Variants in TLN2 observed in about 807,000 individuals in gnomAD.
TLN2 encodes the protein talin 2.
A neutral mutation model predicts 294.7 loss-of-function variants in TLN2; 118 were observed. That is an observed-to-expected ratio of 0.40 (90% confidence interval 0.34 to 0.47). TLN2 has a LOEUF of 0.47. Ranked by LOEUF, TLN2 falls within the 20% of genes least tolerant of loss-of-function variation. The pLI is 0.84. For missense variants in TLN2, 3,083 were observed against 3,282.2 expected (o/e 0.94, Z 1.48); for synonymous variants, 1,431 against 1,304.5 (o/e 1.10, Z -2.09).
At chr15:62,715,086 T>C (rs575035628) in intron 22 of TLN2, among the ~76,000 whole-genome samples, 60 of 152,360 alleles carry the variant, frequency 3.9e-4, no homozygotes, top group African/African-American at 1.3e-3. Context: ...AATGTTTCAT[T>C]GCTAGATTAT....
At chr15:62,634,706 TA>T (rs2050218954) in intron 3 of TLN2, among the ~76,000 whole-genome samples, 1 of 152,262 alleles carries the variant, frequency 6.6e-6, no homozygotes, top group Admixed American at 6.5e-5. Flanking sequence ...AGGAAAATGA[TA>T]CTTCATCAGC....
rs186618024 is a variant in TLN2 at position 62,763,708 on chromosome 15, T to C, written c.5094+13T>C. 59 of 1,594,646 alleles carry C rather than the reference T, an allele frequency of 3.7e-5. No homozygotes were observed. In the East Asian group the frequency reaches 1.3e-3, roughly 35 times the overall value. The stretch of plus-strand genomic sequence containing the variant: ...CATCTCTGTGGAGGTAAGCTGGGAA[T>C]CTGGGGGCCTGCTTAGTCGCCTCTA... On this transcript the variant is annotated intron_variant, in intron 40 of 58. Transcript: ENST00000636159.
At chr15:62,686,357 T>G (rs2057286855) in intron 11 of TLN2, among the ~76,000 whole-genome samples, 3 of 152,206 alleles carry the variant, frequency 2.0e-5, no homozygotes, top group African/African-American at 7.2e-5. Context: ...GTCTTTTCAG[T>G]TCTATCCCAT....
chr15:62,641,917 C>T (rs1220385556), intron 3 of TLN2, among the ~76,000 whole-genome samples: 1 of 152,216 alleles, frequency 6.6e-6, no homozygotes, highest in African/African-American at 2.4e-5. Context: ...GAGGCCTCTG[C>T]TGGAGCTGAA....
chr15:62,805,862 G>A, intron 51 of TLN2, 77 bp downstream of exon 51: 4 of 1,496,114 alleles, frequency 2.7e-6, no homozygotes, highest in Non-Finnish European at 3.6e-6. Flanking sequence ...GTCTGAAAAA[G>A]GGGAGGGGCT....
chr15:62,710,485 GTTGT>G (rs376842725), intron 21 of TLN2, among the ~76,000 whole-genome samples: 195 of 152,196 alleles, frequency 1.3e-3, no homozygotes, highest in African/African-American at 3.4e-3. Context: ...TGAATTTGTT[GTTGT>G]TTGTTTGTTT....
intron 6 of TLN2, among the ~76,000 whole-genome samples, 184 bp downstream of exon 6, chr15:62,652,318 C>T (rs1350957155): frequency 2.0e-5 from 3 of 152,174 alleles, no homozygotes; most frequent in African/African-American, 7.2e-5. Context: ...ATTTGGACTT[C>T]TCACTAAGTC....
At chr15:62,657,225 C>T (rs1304751063) in intron 8 of TLN2, among the ~76,000 whole-genome samples, 1 of 151,988 alleles carries the variant, frequency 6.6e-6, no homozygotes, top group Non-Finnish European at 1.5e-5. Flanking sequence ...AACAAGCTCC[C>T]CATTTTAGGA....
At chr15:62,835,561 T>C (rs2069426435) in intron 55 of TLN2, 176 bp from the exon 56 acceptor site, 3 of 667,438 alleles carry the variant, frequency 4.5e-6, no homozygotes, top group South Asian at 1.8e-5. Context: ...GTGCAATCTT[T>C]CTTGGCATGG....
At chr15:62,547,009 G>A (rs2042031144) in intron 1 of TLN2, among the ~76,000 whole-genome samples, 1 of 152,172 alleles carries the variant, frequency 6.6e-6, no homozygotes, top group Non-Finnish European at 1.5e-5. Context: ...CGTTAATCAG[G>A]GAGGAAAGGG....
intron 19 of TLN2, among the ~76,000 whole-genome samples, chr15:62,705,578 A>G (rs1019366777): frequency 2.0e-5 from 3 of 152,230 alleles, no homozygotes; most frequent in South Asian, 2.1e-4. Context: ...TCATGATTCT[A>G]TGTGACCAAA....
chr15:62,533,229 C>T (rs1017948011), intron 1 of TLN2, among the ~76,000 whole-genome samples: 3 of 122,744 alleles, frequency 2.4e-5, no homozygotes, highest in African/African-American at 6.3e-5. Flanking sequence ...ACTCCAGCCT[C>T]GGTGACAGAG....
In TLN2 at chr15:62,726,825, G is replaced by A. The variant is rs200391762; in HGVS notation, c.3256-262G>A. On this transcript the variant is annotated intron_variant, in intron 27 of 58. Coordinates refer to ENST00000636159, the MANE Select transcript of TLN2 (RefSeq NM_015059.3). ...TATTATGATCTCCTCAGGAAACTGAGGCTTGGAGAGGTTCAGTAATTTACT... is the reference window on the plus strand; with the variant it reads ...TATTATGATCTCCTCAGGAAACTGAAGCTTGGAGAGGTTCAGTAATTTACT... 1.9e-4 allele frequency among the ~76,000 whole-genome samples: 29 copies of A among 152,272 alleles called. No homozygotes were observed. In the East Asian group the frequency reaches 4.0e-3, roughly 21 times the overall value.
chr15:62,620,718 G>A (rs1484612022), intron 3 of TLN2, among the ~76,000 whole-genome samples: 1 of 151,556 alleles, frequency 6.6e-6, no homozygotes, highest in Non-Finnish European at 1.5e-5. Context: ...GTGGGCTCAA[G>A]CGATCCTCCC....
chr15:62,746,332 C>T (rs2061607497), intron 32 of TLN2, among the ~76,000 whole-genome samples: 1 of 152,108 alleles, frequency 6.6e-6, no homozygotes, highest in African/African-American at 2.4e-5. Flanking sequence ...ACTTTAAAAG[C>T]GCGCATTGAG....
rs748945390 is a variant in TLN2 at position 62,701,089 on chromosome 15, G to A, written c.1588-17G>A. 1.9e-5 allele frequency: 31 copies of A among 1,608,202 alleles called. No individual in the cohort carries two copies. The Admixed American group carries it at 2.7e-4, about 14-fold the overall frequency. On this transcript the variant is annotated splice_polypyrimidine_tract_variant and intron_variant, in intron 16 of 58. Coordinates refer to ENST00000636159, the MANE Select transcript of TLN2 (RefSeq NM_015059.3). ...TTCTGTGCTGTGATTGTGTTGTGCC[G>A]TTGTCTGGCTTTGCAGGCATCTAGG...
chr15:62,401,087 G>A (rs1270089256), intron 1 of TLN2, among the ~76,000 whole-genome samples: 1 of 152,026 alleles, frequency 6.6e-6, no homozygotes, highest in Non-Finnish European at 1.5e-5. Context: ...AAGGGGTTTT[G>A]TTTCTAATGA....
Position 62,792,672 on chromosome 15 carries a change from A to G in TLN2, c.5768A>G (p.Asp1923Gly), listed in dbSNP as rs200813507. ...IGFQIRTRVQDLGHGCIFLVQ... is the reference protein window; with the variant it reads ...IGFQIRTRVQGLGHGCIFLVQ... ...TTCCAGATTCGCACTCGTGTGCAGG[A>G]CCTGGGCCACGGCTGTATCTTCCTG... is the stretch of plus-strand genomic sequence containing the variant. The change falls in exon 46 of 59, where the codon GAC (aspartate) becomes GGC (glycine). Residue 1923 changes from aspartate (D) to glycine (G), a missense_variant. By Grantham distance (94) the Asp-to-Gly change is moderately conservative (BLOSUM62 -1). Transcript: ENST00000636159. The G allele has an allele frequency of 8.7e-6, 14 of 1,613,728 alleles. No individual in the cohort carries two copies. In the Admixed American group the frequency reaches 1.0e-4, roughly 12 times the overall value.
chr15:62,737,156 C>T (rs2140958550), intron 29 of TLN2, 70 bp downstream of exon 29: 1 of 1,539,026 alleles, frequency 6.5e-7, no homozygotes, highest in Non-Finnish European at 8.9e-7. Flanking sequence ...CGGGCTGTCT[C>T]CTGGGCACTT....
Sources: allele counts gnomAD v4.1 joint callset (sites outside exome capture counted in the v4.1 genomes callset), GRCh38; gene constraint gnomAD v4.1.1; transcripts MANE v1.5; gene names NCBI Gene and HGNC (gene_info 2026-07-23, HGNC 2026-07-21).